Variants in BCAT1 observed in about 807,000 individuals in gnomAD.
The protein encoded by BCAT1 is branched chain amino acid transaminase 1.
In BCAT1, 48 loss-of-function variants were observed where a neutral mutation model predicts 52.4. That is an observed-to-expected ratio of 0.92 (90% confidence interval 0.73 to 1.16). The LOEUF (loss-of-function observed/expected upper bound fraction) is 1.16. Among genes scored for constraint, BCAT1 ranks in the 50% most tolerant of loss-of-function variants. The probability of loss-of-function intolerance (pLI) is 0.00; values close to 1 mark genes in which losing one functional copy is unlikely to be tolerated. For synonymous variants in BCAT1, 167 were observed against 161.3 expected, an observed-to-expected ratio of 1.04 and a Z score of -0.27; for missense variants, 451 against 457.1, an observed-to-expected ratio of 0.99 and a Z score of 0.12.
Position 24,812,405 on chromosome 12 carries a change from A to C in BCAT1, c.*5603T>G, listed in dbSNP as rs541162372. The C allele has an allele frequency of 1.5e-4, 23 of 152,182 alleles. No individual in the cohort carries two copies. Among genetic ancestry groups the C allele is most frequent in the African/African-American group, 5.5e-4 (23 of 41,564 alleles). 9.4% of individuals were successfully genotyped at this position (152,182 alleles called of 1,614,324 possible). A position where few individuals can be genotyped will look rare whatever the true frequency, so the allele number is the denominator to read the frequency against. ...CATGGATCTTAGAATAAAATGGTTG[A>C]AGAAATGACACAATAGATATTACTT... On this transcript the variant is annotated 3_prime_UTR_variant, in exon 11 of 11. Transcript: ENST00000261192.
intron 8 of BCAT1, among the ~76,000 whole-genome samples, chr12:24,836,113 T>C (rs543454355): frequency 4.3e-4 from 66 of 152,274 alleles, no homozygotes; most frequent in African/African-American, 1.5e-3. Context: ...GCAAGCATGG[T>C]TACACTGGTA....
At chr12:24,853,454 G>T (rs2220271) in intron 5 of BCAT1, among the ~76,000 whole-genome samples, 1 of 152,048 alleles carries the variant, frequency 6.6e-6, no homozygotes, top group Non-Finnish European at 1.5e-5. Flanking sequence ...TCCAAAAGAG[G>T]GGGAGGGGAA....
At chr12:24,821,131 G>A (rs1223284937) in intron 10 of BCAT1, among the ~76,000 whole-genome samples, 1 of 152,152 alleles carries the variant, frequency 6.6e-6, no homozygotes, top group Non-Finnish European at 1.5e-5. Flanking sequence ...TAGGGAAGGG[G>A]GTGGAGCCTT....
chr12:24,902,097 C>A, intron 1 of BCAT1: 3 of 1,472,478 alleles, frequency 2.0e-6, no homozygotes, highest in South Asian at 2.7e-5. Flanking sequence ...CTGCCGGGGT[C>A]GCGGCGGTTT....
In BCAT1 at chr12:24,815,733, G is replaced by A. The variant is rs1939852375; in HGVS notation, c.*2275C>T. On this transcript the variant is annotated 3_prime_UTR_variant, in exon 11 of 11. Transcript: ENST00000261192. ...GTTTTCACTGGGTCTGATGAAAAGG[G>A]CTTAAAAATGCTCTTGAGGTTTTAT... is the stretch of plus-strand genomic sequence containing the variant. 6.6e-6 allele frequency: 1 copy of A among 152,098 alleles called. No homozygotes were observed. The highest frequency in any genetic ancestry group is 2.4e-5 in the African/African-American group (1 of 41,396). The allele number at this position is 152,098 out of a possible 1,614,324, so 9.4% of individuals were successfully genotyped here. A position where few individuals can be genotyped will look rare whatever the true frequency, so the allele number is the denominator to read the frequency against.
intron 1 of BCAT1, chr12:24,902,685 C>T (rs928270048): frequency 7.5e-6 from 4 of 536,502 alleles, no homozygotes; most frequent in Non-Finnish European, 9.3e-6. Context: ...TGGCGGTCCT[C>T]GCCACGCTCC....
At chr12:24,854,656 G>A (rs895384442) in intron 5 of BCAT1, among the ~76,000 whole-genome samples, 2 of 152,082 alleles carry the variant, frequency 1.3e-5, no homozygotes, top group African/African-American at 4.8e-5. Flanking sequence ...ACCCCCAATA[G>A]TATGCATTGC....
At chr12:24,945,209 A>T (rs1430447066) in intron 1 of BCAT1, among the ~76,000 whole-genome samples, 1 of 152,224 alleles carries the variant, frequency 6.6e-6, no homozygotes, top group African/African-American at 2.4e-5. Context: ...CACCATTGAC[A>T]TTGTGAGTCA....
chr12:24,883,124 A>G (rs544812628), intron 3 of BCAT1, among the ~76,000 whole-genome samples: 4 of 151,988 alleles, frequency 2.6e-5, no homozygotes, highest in South Asian at 2.1e-4. Context: ...CATCTCTACC[A>G]AAAATATAAA....
At chr12:24,824,192 T>A (rs1005077493) in intron 10 of BCAT1, among the ~76,000 whole-genome samples, 2 of 152,092 alleles carry the variant, frequency 1.3e-5, no homozygotes, top group Non-Finnish European at 2.9e-5. Flanking sequence ...CGTTTTCCTT[T>A]TCTATTAATC....
intron 5 of BCAT1, among the ~76,000 whole-genome samples, chr12:24,857,603 G>C (rs976090158): frequency 6.6e-6 from 1 of 152,092 alleles, no homozygotes; most frequent in Non-Finnish European, 1.5e-5. Context: ...TGCCCACATT[G>C]AGAGGACCTA....
At chr12:24,945,380 A>C (rs1032290776) in intron 1 of BCAT1, 2 of 152,244 alleles carry the variant, frequency 1.3e-5, no homozygotes, top group Admixed American at 6.5e-5. Flanking sequence ...CAGTGGCCTT[A>C]GTTGAATGGA....
rs962260591 is a variant in BCAT1, at chr12:24,836,837, GGA to G, written c.818-243_818-242del. Among the ~76,000 whole-genome samples, 34 of 122,440 alleles carry G rather than the reference GGA, an allele frequency of 2.8e-4. 1 individual carries two copies. The highest frequency in any genetic ancestry group is 1.0e-3 in the African/African-American group (34 of 33,352). The allele number at this position is 122,440 out of a possible 152,430, so 80.3% of individuals were successfully genotyped here. On this transcript the variant is annotated intron_variant, in intron 7 of 10. Coordinates refer to ENST00000261192, the MANE Select transcript of BCAT1 (RefSeq NM_005504.7). ...AGGAAGGAAAGAAGGAAGGAAGGAA[GGA>G]GAGAGAGAGAAAGAAAGGAAGGAAG...
intron 5 of BCAT1, among the ~76,000 whole-genome samples, chr12:24,852,602 T>C (rs193106196): frequency 2.0e-4 from 30 of 152,330 alleles, no homozygotes; most frequent in African/African-American, 7.0e-4. Flanking sequence ...TTGCATTTTA[T>C]TCCACTAGGT....
intron 1 of BCAT1, among the ~76,000 whole-genome samples, chr12:24,913,168 T>G (rs1396480006): frequency 6.6e-6 from 1 of 152,240 alleles, no homozygotes; most frequent in Non-Finnish European, 1.5e-5. Context: ...AAATACCAGT[T>G]TTCAGAAGTC....
intron 1 of BCAT1, among the ~76,000 whole-genome samples, chr12:24,948,403 A>G (rs1943966848): frequency 2.0e-5 from 3 of 152,222 alleles, no homozygotes; most frequent in Admixed American, 2.0e-4. Flanking sequence ...AGAAGCTTTA[A>G]TTTCCACAAG....
rs34453620 is a variant in BCAT1 at position 24,816,590 on chromosome 12, CAAA to C, written c.*1415_*1417del. The C allele has an allele frequency of 1.5e-4, 57 of 372,912 alleles. No individual in the cohort carries two copies. Among genetic ancestry groups the C allele is most frequent in the Non-Finnish European group, 2.0e-4 (42 of 214,616 alleles). The allele number at this position is 372,912 out of a possible 1,614,324, so 23.1% of individuals were successfully genotyped here. A position where few individuals can be genotyped will look rare whatever the true frequency, so the allele number is the denominator to read the frequency against. On this transcript the variant is annotated 3_prime_UTR_variant, in exon 11 of 11. Coordinates refer to ENST00000261192, the MANE Select transcript of BCAT1 (RefSeq NM_005504.7). The stretch of plus-strand genomic sequence containing the variant: ...CAGAGTATGCCTCTTTGTTTTCTAC[CAAA>C]AAAAAAAAAAAAAGATTTATTTCTG...
intron 5 of BCAT1, among the ~76,000 whole-genome samples, chr12:24,854,616 G>T (rs1941614196): frequency 6.6e-6 from 1 of 152,110 alleles, no homozygotes; most frequent in South Asian, 2.1e-4. Flanking sequence ...TACTATAGCT[G>T]GCTTGCTGAA....
chr12:24,948,221 A>G (rs1452820661), intron 1 of BCAT1, among the ~76,000 whole-genome samples: 1 of 152,250 alleles, frequency 6.6e-6, no homozygotes, highest in Non-Finnish European at 1.5e-5. Flanking sequence ...GCAGTTTTCC[A>G]GTGTGTGAAA....
Sources: gnomAD v4.1 joint callset for allele counts (sites outside exome capture counted in the v4.1 genomes callset) on GRCh38, gnomAD v4.1.1 for gene constraint, MANE v1.5 for transcripts, NCBI Gene and HGNC (gene_info 2026-07-23, HGNC 2026-07-21) for gene names.